The following MEIS1 variants were observed in gnomAD, a reference collection of about 807,000 sequenced individuals.
MEIS1 encodes the protein homeobox protein Meis1.
A neutral mutation model predicts 50.8 loss-of-function variants in MEIS1; 5 were observed. The ratio of observed to expected loss-of-function variants is 0.10; its 90% CI spans 0.05 to 0.21. MEIS1 has a LOEUF of 0.21. MEIS1 is among the 10% of genes least tolerant of loss of function. The pLI, the probability that MEIS1 is intolerant of heterozygous loss-of-function variation, is 1.00. For missense variants in MEIS1, 318 were observed against 517.3 expected (o/e 0.61, Z 3.74); for synonymous variants, 176 against 179.3 (o/e 0.98, Z 0.15).
intron 7 of MEIS1, among the ~76,000 whole-genome samples, chr2:66,469,947 G>A (rs1489816664): frequency 1.3e-5 from 2 of 149,338 alleles, no homozygotes. Context: ...AAAAAAACAC[G>A]AAAAAATCTA....
At chr2:66,437,558 T>A (rs1375561781) in intron 1 of MEIS1, 179 bp from the exon 2 acceptor site, 1 of 624,476 alleles carries the variant, frequency 1.6e-6, no homozygotes, top group African/African-American at 1.8e-5. Context: ...GAATTCTGTA[T>A]TTTTTACTTA....
chr2:66,450,547 T>C (rs1467477143), intron 6 of MEIS1, among the ~76,000 whole-genome samples: 2 of 152,200 alleles, frequency 1.3e-5, no homozygotes, highest in Non-Finnish European at 2.9e-5. Flanking sequence ...GGCCACAACC[T>C]TATGAGTTTA....
chr2:66,496,457 C>G (rs1673406255), intron 7 of MEIS1, among the ~76,000 whole-genome samples: 1 of 152,072 alleles, frequency 6.6e-6, no homozygotes, highest in Non-Finnish European at 1.5e-5. Context: ...GTGTGAATTG[C>G]CCAATTTCAT....
At chr2:66,546,483 G>A (rs1674795519) in intron 8 of MEIS1, among the ~76,000 whole-genome samples, 1 of 152,128 alleles carries the variant, frequency 6.6e-6, no homozygotes, top group Non-Finnish European at 1.5e-5. Context: ...CTTTGGTCAT[G>A]GTGAGGCTTA....
chr2:66,479,181 A>G (rs904413561), intron 7 of MEIS1, among the ~76,000 whole-genome samples: 1 of 152,220 alleles, frequency 6.6e-6, no homozygotes, highest in Non-Finnish European at 1.5e-5. Context: ...TAAAGAAAAA[A>G]CAAAAATGCA....
At chr2:66,525,925 A>G (rs1674239801) in intron 8 of MEIS1, among the ~76,000 whole-genome samples, 2 of 152,254 alleles carry the variant, frequency 1.3e-5, no homozygotes, top group Admixed American at 1.3e-4. Flanking sequence ...AGCCTTTGTC[A>G]GTAAGAAAGT....
At chr2:66,568,825 G>A (rs766782909) in intron 11 of MEIS1, 69 bp downstream of exon 11, 1 of 1,379,098 alleles carries the variant, frequency 7.3e-7, no homozygotes, top group African/African-American at 1.4e-5. Context: ...ATCAACACAG[G>A]TAAATCCGCC....
intron 7 of MEIS1, among the ~76,000 whole-genome samples, chr2:66,497,573 C>T (rs1338192125): frequency 1.3e-5 from 2 of 152,004 alleles, no homozygotes; most frequent in African/African-American, 4.8e-5. Flanking sequence ...TTTTCCTTAT[C>T]AGTAAAACAA....
rs1310371715 is a variant in MEIS1, at chr2:66,443,257, T to C, written c.630+209T>C. 18 of 535,216 alleles carry C rather than the reference T, an allele frequency of 3.4e-5. No homozygotes were observed. The East Asian group carries it at 5.3e-4, about 16-fold the overall frequency. 33.2% of individuals were successfully genotyped at this position (535,216 alleles called of 1,614,324 possible). On this transcript the variant is annotated intron_variant, in intron 6 of 12. Transcript: ENST00000272369. Reference sequence around the variant, plus strand: ...GATTCGACCTGAAGAGATGAGCTTGTAAAAGCTTTGCTAGCAAACTTGACC... The same window carrying C: ...GATTCGACCTGAAGAGATGAGCTTGCAAAAGCTTTGCTAGCAAACTTGACC...
At chr2:66,550,203 G>A (rs920612257) in intron 9 of MEIS1, among the ~76,000 whole-genome samples, 1 of 152,146 alleles carries the variant, frequency 6.6e-6, no homozygotes, top group African/African-American at 2.4e-5. Flanking sequence ...ACACAATTCT[G>A]TGCTTAACTG....
At position 66,435,659 on chromosome 2, in the gene MEIS1, G is replaced by A; in HGVS notation, c.-198G>A. ...GAGCGCTTTTATGCTCAGTGACTCG[G>A]GCGCTTTGCTTCAGGTCCCGTAGAC... On this transcript the variant is annotated 5_prime_UTR_variant, in exon 1 of 13. Coordinates refer to ENST00000272369, the MANE Select transcript of MEIS1 (RefSeq NM_002398.3). 4.3e-6 allele frequency: 2 copies of A among 464,782 alleles called. No individual in the cohort carries two copies. Among genetic ancestry groups the A allele is most frequent in the Non-Finnish European group, 7.6e-6 (2 of 262,804 alleles). The allele number at this position is 464,782 out of a possible 1,614,324, so 28.8% of individuals were successfully genotyped here. A position where few individuals can be genotyped will look rare whatever the true frequency, so the allele number is the denominator to read the frequency against.
intron 7 of MEIS1, among the ~76,000 whole-genome samples, chr2:66,498,344 G>C (rs1020859659): frequency 6.6e-6 from 1 of 152,162 alleles, no homozygotes; most frequent in Non-Finnish European, 1.5e-5. Flanking sequence ...GTGAAACGGG[G>C]CTTTGGAGAG....
chr2:66,508,534 A>G lies in MEIS1; in HGVS notation c.743-3615A>G, dbSNP rs187308264. Among the ~76,000 whole-genome samples, 282 of 152,312 alleles carry G rather than the reference A, an allele frequency of 1.9e-3. 1 individual carries two copies. The highest frequency in any genetic ancestry group is 6.5e-3 in the African/African-American group (272 of 41,570). ...GCAGGGAGAGGATTTCTGCATTAGA[A>G]TGTTGCATATGTGCGGCCTGTGTGT... is the stretch of plus-strand genomic sequence containing the variant. On this transcript the variant is annotated intron_variant, in intron 7 of 12. Transcript: ENST00000272369.
intron 6 of MEIS1, among the ~76,000 whole-genome samples, chr2:66,462,766 G>A (rs1425349445): frequency 6.6e-6 from 1 of 152,164 alleles, no homozygotes; most frequent in Non-Finnish European, 1.5e-5. Flanking sequence ...CTCAGAATCA[G>A]CAGATCAATT....
At chr2:66,539,585 G>A (rs796876363) in intron 8 of MEIS1, among the ~76,000 whole-genome samples, 9 of 152,182 alleles carry the variant, frequency 5.9e-5, no homozygotes, top group South Asian at 4.1e-4. Flanking sequence ...CTCAAGTTTC[G>A]TCATCTATCA....
intron 7 of MEIS1, among the ~76,000 whole-genome samples, chr2:66,499,202 G>C (rs909621701): frequency 5.3e-5 from 8 of 152,228 alleles, no homozygotes; most frequent in East Asian, 1.9e-4. Flanking sequence ...TGCAGTAAGA[G>C]AATAACAAGT....
intron 8 of MEIS1, among the ~76,000 whole-genome samples, chr2:66,546,780 G>A (rs939608393): frequency 1.3e-5 from 2 of 152,162 alleles, no homozygotes; most frequent in East Asian, 1.9e-4. Context: ...TCTCTCTGCT[G>A]TTCACAAACA....
rs372534825 is a variant in MEIS1 at position 66,533,289 on chromosome 2, C to A, written c.889-14654C>A. Among the ~76,000 whole-genome samples, 163 of 152,298 alleles carry A rather than the reference C, an allele frequency of 1.1e-3. No homozygotes were observed. The Middle Eastern group carries it at 0.014, about 13-fold the overall frequency. On this transcript the variant is annotated intron_variant, in intron 8 of 12. Transcript: ENST00000272369. ...CCTAAGTCCACTGAGCCAGAATGGGCCTCACACCTTGAAGGATCCCGATTA... is the reference window on the plus strand; with the variant it reads ...CCTAAGTCCACTGAGCCAGAATGGGACTCACACCTTGAAGGATCCCGATTA...
chr2:66,467,985 T>C (rs1333099165), intron 7 of MEIS1, among the ~76,000 whole-genome samples: 4 of 152,224 alleles, frequency 2.6e-5, no homozygotes, highest in African/African-American at 4.8e-5. Context: ...ATTTTATCCC[T>C]GGCAATTACT....
Sources: allele counts gnomAD v4.1 joint callset (sites outside exome capture counted in the v4.1 genomes callset), GRCh38; gene constraint gnomAD v4.1.1; transcripts MANE v1.5; gene names NCBI Gene and HGNC (gene_info 2026-07-23, HGNC 2026-07-21).